CSMD1: variants seen among roughly 807,000 people sequenced by gnomAD.
CSMD1 encodes CUB and Sushi multiple domains 1.
In CSMD1, 213 loss-of-function variants were observed where a neutral mutation model predicts 417.5. The observed-to-expected ratio is 0.51, with a 90% CI of 0.46 to 0.57. The LOEUF (loss-of-function observed/expected upper bound fraction) is 0.57. CSMD1 is among the 20% of genes least tolerant of loss of function. CSMD1 has a pLI of 0.00. For synonymous variants in CSMD1, 2,862 were observed against 1,736.8 expected (o/e 1.65, Z -16.11); for missense variants, 6,923 against 4,529.7 (o/e 1.53, Z -15.17).
intron 5 of CSMD1, among the ~76,000 whole-genome samples, chr8:3,769,508 A>G (rs1029694621): frequency 7.0e-6 from 1 of 142,966 alleles, no homozygotes; most frequent in East Asian, 2.0e-4. Flanking sequence ...AAAAATAAGA[A>G]AAAATATAAT....
At chr8:3,807,820 G>C (rs1417365506) in intron 5 of CSMD1, among the ~76,000 whole-genome samples, 1 of 152,122 alleles carries the variant, frequency 6.6e-6, no homozygotes, top group Non-Finnish European at 1.5e-5. Flanking sequence ...CCCTCACTGA[G>C]ATCCTAGCAC....
At chr8:3,865,158 C>G (rs145933287) in intron 5 of CSMD1, among the ~76,000 whole-genome samples, 12 of 152,292 alleles carry the variant, frequency 7.9e-5, no homozygotes, top group Admixed American at 4.6e-4. Context: ...GCTCAGGCTC[C>G]GATTCCTTGG....
At chr8:3,859,219 C>T (rs1253479747) in intron 5 of CSMD1, among the ~76,000 whole-genome samples, 3 of 152,292 alleles carry the variant, frequency 2.0e-5, no homozygotes, top group Admixed American at 1.3e-4. Context: ...GTGGGAAAGC[C>T]ACCATTCAAC....
intron 21 of CSMD1, among the ~76,000 whole-genome samples, chr8:3,348,839 T>C (rs1259923136): frequency 6.6e-6 from 1 of 152,200 alleles, no homozygotes; most frequent in African/African-American, 2.4e-5. Flanking sequence ...TACATACAAC[T>C]CTCTACTTTC....
intron 49 of CSMD1, among the ~76,000 whole-genome samples, chr8:3,082,820 G>C (rs1430153636): frequency 5.3e-5 from 8 of 152,200 alleles, no homozygotes; most frequent in Non-Finnish European, 1.2e-4. Context: ...ATTTTGGACA[G>C]TGTGCTTGAA....
intron 41 of CSMD1, among the ~76,000 whole-genome samples, chr8:3,130,479 T>C (rs567782522): frequency 2.0e-5 from 3 of 152,126 alleles, no homozygotes; most frequent in Non-Finnish European, 4.4e-5. Context: ...ATTCTCTGCA[T>C]GTAAGCAACT....
At chr8:3,459,417 G>T (rs761885132) in intron 12 of CSMD1, among the ~76,000 whole-genome samples, 1 of 152,276 alleles carries the variant, frequency 6.6e-6, no homozygotes. Context: ...TGCAGCACCA[G>T]TGCCACAGGA....
At chr8:4,975,908 T>G (rs1307166126) in intron 1 of CSMD1, among the ~76,000 whole-genome samples, 2 of 152,220 alleles carry the variant, frequency 1.3e-5, no homozygotes, top group African/African-American at 2.4e-5. Flanking sequence ...ATTTCCTATG[T>G]TGCTCACATT....
chr8:3,248,335 C>A (rs548202781), intron 26 of CSMD1, among the ~76,000 whole-genome samples: 25 of 152,072 alleles, frequency 1.6e-4, no homozygotes, highest in Admixed American at 1.4e-3. Flanking sequence ...ATGAACAGCA[C>A]CCATGTTTAC....
intron 3 of CSMD1, among the ~76,000 whole-genome samples, chr8:4,163,981 G>A (rs1382927017): frequency 6.6e-6 from 1 of 152,176 alleles, no homozygotes; most frequent in South Asian, 2.1e-4. Flanking sequence ...GGTGATGTGG[G>A]ATTGAGGAAT....
chr8:4,206,174 C>G (rs907658863), intron 3 of CSMD1, among the ~76,000 whole-genome samples: 2 of 152,132 alleles, frequency 1.3e-5, no homozygotes, highest in Middle Eastern at 3.4e-3. Context: ...TATGGAAATA[C>G]ATGCTGAAAA....
intron 7 of CSMD1, among the ~76,000 whole-genome samples, chr8:3,633,243 T>G (rs1796870611): frequency 6.6e-6 from 1 of 152,168 alleles, no homozygotes; most frequent in African/African-American, 2.4e-5. Context: ...GGATATAACA[T>G]AAATTACTCT....
chr8:4,443,298 G>A (rs935261318), intron 2 of CSMD1, among the ~76,000 whole-genome samples: 1 of 152,074 alleles, frequency 6.6e-6, no homozygotes, highest in African/African-American at 2.4e-5. Flanking sequence ...GTATTCGCTA[G>A]AAAATAAACT....
intron 1 of CSMD1, among the ~76,000 whole-genome samples, chr8:4,901,862 T>C (rs942665905): frequency 6.6e-6 from 1 of 152,020 alleles, no homozygotes; most frequent in Non-Finnish European, 1.5e-5. Context: ...TGATGACATA[T>C]ATATACACTT....
chr8:4,867,698 T>TTC (rs1779029735), intron 1 of CSMD1, among the ~76,000 whole-genome samples: 1 of 152,072 alleles, frequency 6.6e-6, no homozygotes, highest in African/African-American at 2.4e-5. Flanking sequence ...ATCCCTTGAT[T>TTC]TGTGTGTGTG....
intron 3 of CSMD1, among the ~76,000 whole-genome samples, chr8:4,044,597 G>A (rs1043799683): frequency 1.3e-5 from 2 of 152,154 alleles, no homozygotes; most frequent in Non-Finnish European, 2.9e-5. Context: ...TTAAATCCGG[G>A]TCTCATTTTC....
chr8:3,755,005 A>G (rs952383465), intron 5 of CSMD1, among the ~76,000 whole-genome samples: 2 of 152,234 alleles, frequency 1.3e-5, no homozygotes, highest in Admixed American at 1.3e-4. Flanking sequence ...ATTTCTGGTT[A>G]AGCTGTTTAA....
chr8:4,971,156 A>G (rs1184854111), intron 1 of CSMD1, among the ~76,000 whole-genome samples: 1 of 152,000 alleles, frequency 6.6e-6, no homozygotes, highest in Admixed American at 6.6e-5. Flanking sequence ...TCCAACTCTC[A>G]TAATCTATAG....
chr8:3,514,853 A>T (rs1797222060), intron 10 of CSMD1, among the ~76,000 whole-genome samples: 1 of 152,270 alleles, frequency 6.6e-6, no homozygotes, highest in South Asian at 2.1e-4. Context: ...GATAATATCT[A>T]ATGACTTTTT....
Sources: allele counts gnomAD v4.1 joint callset (sites outside exome capture counted in the v4.1 genomes callset), GRCh38; gene constraint gnomAD v4.1.1; transcripts MANE v1.5; gene names NCBI Gene and HGNC (gene_info 2026-07-23, HGNC 2026-07-21).